Variants in AKAP19 observed in about 807,000 individuals in gnomAD.
AKAP19 encodes A-kinase anchoring protein 19, also known as small A-kinase anchoring protein.
the AKAP19 span, among the ~76,000 whole-genome samples, chr2:189,886,606 G>A: frequency 6.6e-6 from 1 of 152,174 alleles, no homozygotes; most frequent in African/African-American, 2.4e-5. Flanking sequence ...TAGAAATGCA[G>A]GAGGGATCAG....
At chr2:189,976,355 G>T in the AKAP19 span, among the ~76,000 whole-genome samples, 1 of 152,210 alleles carries the variant, frequency 6.6e-6, no homozygotes, top group Admixed American at 6.5e-5. Context: ...TCTCAGGGGG[G>T]TACCAGCCAT....
chr2:190,097,859 C>CAAAA, the AKAP19 span, among the ~76,000 whole-genome samples: 239 of 64,190 alleles, frequency 3.7e-3, no homozygotes, highest in African/African-American at 0.012. Context: ...TGGTTTCTAC[C>CAAAA]AAAAAAAAAA....
the AKAP19 span, among the ~76,000 whole-genome samples, chr2:189,927,627 G>A: frequency 6.6e-6 from 1 of 152,102 alleles, no homozygotes; most frequent in African/African-American, 2.4e-5. Flanking sequence ...AAGATTTTAA[G>A]TTGTACACAT....
At chr2:190,042,975 ATTTGTGGTTGAAGAT>A in the AKAP19 span, among the ~76,000 whole-genome samples, 1 of 152,142 alleles carries the variant, frequency 6.6e-6, no homozygotes, top group East Asian at 1.9e-4. Context: ...TGGATATGAA[ATTTGTGGTTGAAGAT>A]TTTTTCTTTA....
the AKAP19 span, among the ~76,000 whole-genome samples, chr2:189,918,411 G>T: frequency 6.6e-6 from 1 of 151,974 alleles, no homozygotes; most frequent in Non-Finnish European, 1.5e-5. Context: ...CATTCCTGAA[G>T]GGTATGATTC....
the AKAP19 span, among the ~76,000 whole-genome samples, chr2:189,905,291 C>T: frequency 4.0e-5 from 6 of 151,802 alleles, no homozygotes; most frequent in Non-Finnish European, 8.8e-5. Flanking sequence ...TTGTATGAAG[C>T]TACTTAGAGA....
the AKAP19 span, among the ~76,000 whole-genome samples, chr2:189,921,507 T>TA: frequency 6.6e-6 from 1 of 152,144 alleles, no homozygotes; most frequent in Non-Finnish European, 1.5e-5. Context: ...GGTGAGGGAT[T>TA]AAAGGCATAA....
At chr2:190,005,879 T>A in the AKAP19 span, among the ~76,000 whole-genome samples, 1 of 152,244 alleles carries the variant, frequency 6.6e-6, no homozygotes, top group Non-Finnish European at 1.5e-5. Context: ...CAACTTTTCC[T>A]TATTTTCACA....
chr2:190,036,616 A>G, the AKAP19 span, among the ~76,000 whole-genome samples: 2 of 151,768 alleles, frequency 1.3e-5, no homozygotes, highest in East Asian at 3.9e-4. Flanking sequence ...TTTCATTAGA[A>G]TTTTGAAAGG....
At chr2:189,990,923 C>G in the AKAP19 span, among the ~76,000 whole-genome samples, 1 of 152,114 alleles carries the variant, frequency 6.6e-6, no homozygotes, top group South Asian at 2.1e-4. Flanking sequence ...TGCATCCTCA[C>G]AGCTTAGCTC....
the AKAP19 span, among the ~76,000 whole-genome samples, chr2:189,951,681 T>A: frequency 6.6e-6 from 1 of 152,200 alleles, no homozygotes; most frequent in Non-Finnish European, 1.5e-5. Flanking sequence ...ACTCTTCCAA[T>A]ACCTAAAAGT....
chr2:190,197,365 A>G, the AKAP19 span, among the ~76,000 whole-genome samples: 1 of 152,312 alleles, frequency 6.6e-6, no homozygotes, highest in South Asian at 2.1e-4. This position sits in a 1 kb window ranked among gnomAD's most constrained non-coding sequence, Gnocchi z 4.0. Context: ...TAAGTACTGT[A>G]TAACTTCTGG....
At chr2:189,963,211 T>TTTTTTTTTTTTTGGTG in the AKAP19 span, among the ~76,000 whole-genome samples, 1 of 150,736 alleles carries the variant, frequency 6.6e-6, no homozygotes, top group African/African-American at 2.5e-5. Context: ...TTTTTTTTTT[T>TTTTTTTTTTTTTGGTG]GAGATGGAGT....
chr2:189,899,612 CCAAA>C, the AKAP19 span, among the ~76,000 whole-genome samples: 1 of 152,048 alleles, frequency 6.6e-6, no homozygotes, highest in South Asian at 2.1e-4. Context: ...TTCCTATGGC[CCAAA>C]CAGTGTATGA....
At chr2:190,039,820 G>T in the AKAP19 span, among the ~76,000 whole-genome samples, 1 of 152,038 alleles carries the variant, frequency 6.6e-6, no homozygotes, top group Non-Finnish European at 1.5e-5. Context: ...ACAGCCTCCA[G>T]CTCCATCCAT....
chr2:189,945,367 A>C, the AKAP19 span, among the ~76,000 whole-genome samples: 1 of 152,334 alleles, frequency 6.6e-6, no homozygotes, highest in South Asian at 2.1e-4. Flanking sequence ...GCCTTCTGCC[A>C]AGAGCCAGGT....
chr2:190,038,727 G>T, the AKAP19 span, among the ~76,000 whole-genome samples: 1 of 152,066 alleles, frequency 6.6e-6, no homozygotes, highest in African/African-American at 2.4e-5. Context: ...TCCTTTTCCA[G>T]GGGAAACAAG....
chr2:189,975,088 C>T, the AKAP19 span, among the ~76,000 whole-genome samples: 5 of 152,172 alleles, frequency 3.3e-5, no homozygotes, highest in Admixed American at 2.6e-4. Flanking sequence ...ATGGTCTTTA[C>T]AATTTGGCAT....
the AKAP19 span, among the ~76,000 whole-genome samples, chr2:190,093,193 C>G: frequency 4.6e-5 from 7 of 151,728 alleles, no homozygotes. Context: ...GAGGCCAAGG[C>G]GGGTGGATCA....
Sources: gnomAD v4.1 joint callset for allele counts (sites outside exome capture counted in the v4.1 genomes callset) on GRCh38, gnomAD v4.1.1 for gene constraint, Gnocchi (gnomAD v3.1) non-coding constraint, MANE v1.5 for transcripts, NCBI Gene and HGNC (gene_info 2026-07-23, HGNC 2026-07-21) for gene names.